The following SAMMSON variants were observed in gnomAD, a reference collection of about 807,000 sequenced individuals.
The protein encoded by SAMMSON is long intergenic non-protein coding RNA 1212.
chr3:70,152,727 A>G (rs943501155), intron 4 of SAMMSON, among the ~76,000 whole-genome samples: 1 of 152,052 alleles, frequency 6.6e-6, no homozygotes, highest in Admixed American at 6.6e-5. Flanking sequence ...ACTTGCTTCA[A>G]CACAAAAATA....
At chr3:70,116,559 A>G (rs2067412583) in intron 4 of SAMMSON, among the ~76,000 whole-genome samples, 1 of 152,002 alleles carries the variant, frequency 6.6e-6, no homozygotes, top group Non-Finnish European at 1.5e-5. Flanking sequence ...TAAAATGAAA[A>G]TGTATTCTTA....
At chr3:70,219,683 T>C (rs1006247289) in intron 4 of SAMMSON, among the ~76,000 whole-genome samples, 2 of 152,174 alleles carry the variant, frequency 1.3e-5, no homozygotes, top group Non-Finnish European at 2.9e-5. Context: ...AGAATTAAAA[T>C]CTGCATCAGA....
At chr3:70,255,271 A>G (rs1354777228) in intron 6 of SAMMSON, among the ~76,000 whole-genome samples, 1 of 152,220 alleles carries the variant, frequency 6.6e-6, no homozygotes, top group East Asian at 1.9e-4. Context: ...AAATTTTTGT[A>G]AAACAAAACT....
intron 4 of SAMMSON, among the ~76,000 whole-genome samples, chr3:70,177,843 C>A (rs1040890656): frequency 6.6e-6 from 1 of 152,066 alleles, no homozygotes; most frequent in Non-Finnish European, 1.5e-5. Context: ...ATGGTACCGC[C>A]GGCAACTTTT....
At chr3:70,011,602 T>A (rs2066956070) in intron 1 of SAMMSON, among the ~76,000 whole-genome samples, 2 of 151,640 alleles carry the variant, frequency 1.3e-5, no homozygotes, top group African/African-American at 4.8e-5. Flanking sequence ...ATGAAGAGTT[T>A]ACTTTTTTTT....
At chr3:70,399,677 C>T (rs576169947) in intron 2 of SAMMSON, among the ~76,000 whole-genome samples, 42 of 151,998 alleles carry the variant, frequency 2.8e-4, no homozygotes, top group Non-Finnish European at 5.1e-4. Context: ...ACCAGCCTGG[C>T]CAACATGGTG....
At position 70,406,460 on chromosome 3, in the gene SAMMSON, G is replaced by T. The variant is rs543398718; in HGVS notation, n.233+48136G>T. ...TGGTAATATATGGAAAAATTTAAAA[G>T]AATTTGATTTCTTGGTTTTAAACAT... On this transcript the variant is annotated intron_variant and non_coding_transcript_variant, in intron 2 of 3. Transcript: ENST00000641053. Among the ~76,000 whole-genome samples the T allele has an allele frequency of 3.2e-4, 49 of 152,082 alleles. 1 individual carries two copies. Among genetic ancestry groups the T allele is most frequent in the Admixed American group, 2.1e-3 (32 of 15,264 alleles).
chr3:70,246,351 A>G (rs980458356), intron 4 of SAMMSON, among the ~76,000 whole-genome samples: 20 of 152,084 alleles, frequency 1.3e-4, no homozygotes, highest in African/African-American at 4.8e-4. Flanking sequence ...CTAAGTCTAA[A>G]TGCTTGAACA....
chr3:70,256,034 C>T (rs1258058087), intron 6 of SAMMSON, among the ~76,000 whole-genome samples: 1 of 152,134 alleles, frequency 6.6e-6, no homozygotes, highest in African/African-American at 2.4e-5. Context: ...AATAGTACCA[C>T]CCCAAATTAT....
In SAMMSON at chr3:70,396,423, G is replaced by T. The variant is rs572895410; in HGVS notation, n.233+38099G>T. ...TCATGCCTAATGTCCTGTGATTATT[G>T]CAGGGGTCCACAAGCCCTTTTGGTA... On this transcript the variant is annotated intron_variant and non_coding_transcript_variant, in intron 2 of 3. Coordinates refer to the SAMMSON transcript ENST00000641053. Among the ~76,000 whole-genome samples the T allele has an allele frequency of 4.3e-4, 65 of 152,212 alleles. No homozygotes were observed. The South Asian group carries it at 0.01, about 24-fold the overall frequency.
chr3:70,092,373 A>G (rs1209826568), intron 4 of SAMMSON, among the ~76,000 whole-genome samples: 1 of 151,642 alleles, frequency 6.6e-6, no homozygotes, highest in Non-Finnish European at 1.5e-5. Flanking sequence ...CCTTTGGGTC[A>G]TCAGTTGCAT....
intron 7 of SAMMSON, among the ~76,000 whole-genome samples, chr3:70,345,517 T>C (rs1702743533): frequency 6.6e-6 from 1 of 152,232 alleles, no homozygotes; most frequent in Non-Finnish European, 1.5e-5. Flanking sequence ...TTTCATACAT[T>C]AAAGCTCACT....
chr3:70,081,227 C>A (rs940085448), intron 4 of SAMMSON, among the ~76,000 whole-genome samples: 3 of 152,320 alleles, frequency 2.0e-5, no homozygotes, highest in Non-Finnish European at 4.4e-5. Flanking sequence ...CATTCTCCTG[C>A]CTCAGCCTTC....
chr3:70,406,187 A>C (rs1701176796), intron 2 of SAMMSON, among the ~76,000 whole-genome samples: 1 of 152,238 alleles, frequency 6.6e-6, no homozygotes. Flanking sequence ...TTGTCATTTA[A>C]AATAAACAAA....
intron 4 of SAMMSON, chr3:70,206,889 A>T: frequency 2.5e-6 from 1 of 395,488 alleles, no homozygotes; most frequent in Non-Finnish European, 4.5e-6. Flanking sequence ...CTTTCCTAAG[A>T]TTAAAGTCTT....
At chr3:70,045,942 G>C (rs148216120) in intron 3 of SAMMSON, among the ~76,000 whole-genome samples, 2 of 152,014 alleles carry the variant, frequency 1.3e-5, no homozygotes, top group Non-Finnish European at 2.9e-5. Context: ...AACGAGAAAC[G>C]CAAGGAGAAA....
chr3:70,062,123 G>A (rs904453775), intron 3 of SAMMSON, among the ~76,000 whole-genome samples: 5 of 151,978 alleles, frequency 3.3e-5, no homozygotes, highest in African/African-American at 1.2e-4. Flanking sequence ...TAGTCTGTGT[G>A]CCACTGTTTC....
intron 4 of SAMMSON, among the ~76,000 whole-genome samples, chr3:70,133,509 T>C (rs1309676253): frequency 6.6e-6 from 1 of 152,180 alleles, no homozygotes; most frequent in East Asian, 1.9e-4. Context: ...TGAGCTATTC[T>C]GACAAATGAT....
chr3:70,420,845 C>A (rs1457095785), intron 2 of SAMMSON, among the ~76,000 whole-genome samples: 1 of 152,016 alleles, frequency 6.6e-6, no homozygotes, highest in Non-Finnish European at 1.5e-5. Context: ...TGATGGAGAA[C>A]CTAGAACAAG....
Sources: allele counts gnomAD v4.1 joint callset (sites outside exome capture counted in the v4.1 genomes callset), GRCh38; gene constraint gnomAD v4.1.1; transcripts MANE v1.5; gene names NCBI Gene and HGNC (gene_info 2026-07-23, HGNC 2026-07-21).